Variants in NCOR2 observed in about 807,000 individuals in gnomAD.
NCOR2 encodes nuclear receptor corepressor 2.
Under a neutral mutation model 262.9 loss-of-function variants are expected in NCOR2, and 81 were observed. That is an observed-to-expected ratio of 0.31 (90% CI 0.26 to 0.37). The LOEUF (loss-of-function observed/expected upper bound fraction) is 0.37, where lower values mean the gene tolerates loss of function less well. Ranked by LOEUF, NCOR2 falls within the 10% of genes least tolerant of loss-of-function variation. The probability of loss-of-function intolerance (pLI) is 1.00; values close to 1 mark genes in which losing one functional copy is unlikely to be tolerated. For missense variants in NCOR2, 3,385 were observed against 3,621.4 expected, an observed-to-expected ratio of 0.93 and a Z score of 1.68; for synonymous variants, 1,659 against 1,559.3, an observed-to-expected ratio of 1.06 and a Z score of -1.51.
In NCOR2 at chr12:124,466,291, G is replaced by A. The variant is rs553106476; in HGVS notation, c.592-5C>T. 1.9e-6 allele frequency: 3 copies of A among 1,604,152 alleles called. No homozygotes were observed. The highest frequency in any genetic ancestry group is 4.5e-5 in the East Asian group (2 of 44,632). On this transcript the variant is annotated splice_polypyrimidine_tract_variant and splice_region_variant and intron_variant, in intron 4 of 46. Transcript: ENST00000405201. ...AGCCTCCTCCTCCAGCTGTTGCTGT[G>A]GGGAGAGGCAGAACGTGAGGGATGA...
chr12:124,473,652 T>C (rs889132237), intron 3 of NCOR2, among the ~76,000 whole-genome samples: 1 of 152,182 alleles, frequency 6.6e-6, no homozygotes, highest in Non-Finnish European at 1.5e-5. Context: ...GTTGCCAACT[T>C]TTTGCCTGCT....
chr12:124,476,902 T>TA (rs60593594), intron 3 of NCOR2, among the ~76,000 whole-genome samples: 2,002 of 142,448 alleles, frequency 0.014, 32 homozygotes, highest in East Asian at 0.077. Flanking sequence ...CCATCTTTAT[T>TA]AAAAAAAAAA....
At chr12:124,475,926 T>C (rs181383563) in intron 3 of NCOR2, among the ~76,000 whole-genome samples, 14 of 152,172 alleles carry the variant, frequency 9.2e-5, no homozygotes, top group South Asian at 2.1e-4. Context: ...CACAGAACCA[T>C]AGGGCTGAGC....
At position 124,495,214 on chromosome 12, in the gene NCOR2, CTCCACG is replaced by C. The variant is rs767139605; in HGVS notation, c.32_37del (p.Thr11_Trp12del). 1 of 1,613,822 alleles carries C rather than the reference CTCCACG, an allele frequency of 6.2e-7. No homozygotes were observed. Among genetic ancestry groups the C allele is most frequent in the Non-Finnish European group, 8.5e-7 (1 of 1,179,902 alleles). ...GGGCGGGTAGCGGGGCTCAGTGGCCCTCCACGTCTGTGCCACAGGCTGTGTGGATCC... is the reference window on the plus strand; with the variant it reads ...GGGCGGGTAGCGGGGCTCAGTGGCCCTCTGTGCCACAGGCTGTGTGGATCC... On this transcript the variant is annotated inframe_deletion, in exon 1 of 47. Transcript: ENST00000405201. The surrounding 1 kb of genome is among the most constrained non-coding windows in gnomAD (Gnocchi z 4.4).
chr12:124,555,777 C>A (rs2051864174), intron 1 of NCOR2: 1 of 152,194 alleles, frequency 6.6e-6, no homozygotes, highest in Admixed American at 6.5e-5. Context: ...CCGTCTCGGG[C>A]CACCCATCCA....
Position 124,517,842 on chromosome 12 carries a change from C to G in NCOR2, c.-118+17723G>C, listed in dbSNP as rs769599501. On this transcript the variant is annotated intron_variant, in intron 1 of 46. Transcript: ENST00000404621. This position sits in a 1 kb window ranked among gnomAD's most constrained non-coding sequence, Gnocchi z 7.6. The stretch of plus-strand genomic sequence containing the variant: ...ACTGCAGCAACTTCGTCCGATGAGA[C>G]AGCCCTGCCCACCATCCCGCTGAGC... Among the ~76,000 whole-genome samples the G allele has an allele frequency of 6.6e-6, 1 of 152,228 alleles. No homozygotes were observed. The highest frequency in any genetic ancestry group is 1.5e-5 in the Non-Finnish European group (1 of 68,034).
intron 18 of NCOR2, among the ~76,000 whole-genome samples, chr12:124,375,342 G>A (rs375512272): frequency 2.6e-5 from 4 of 152,264 alleles, no homozygotes; most frequent in East Asian, 1.9e-4. Context: ...TTAACTTCTC[G>A]GTCTCACAGT....
chr12:124,546,462 G>A (rs149589808), intron 1 of NCOR2, among the ~76,000 whole-genome samples: 5 of 152,350 alleles, frequency 3.3e-5, no homozygotes, highest in Admixed American at 6.5e-5. Flanking sequence ...AGGCTGGAGT[G>A]CAGTGGTGTG....
intron 20 of NCOR2, among the ~76,000 whole-genome samples, chr12:124,367,631 T>C (rs2039145663): frequency 6.6e-6 from 1 of 152,100 alleles, no homozygotes. Flanking sequence ...TTTTATTTTA[T>C]TTATTTATTT....
intron 32 of NCOR2, 150 bp from the exon 35 acceptor site, chr12:124,343,376 A>T: frequency 3.3e-6 from 2 of 615,250 alleles, no homozygotes; most frequent in East Asian, 3.0e-5. Context: ...TTGCTCACTG[A>T]CTCATTTGCT....
chr12:124,347,846 T>C (rs762312602), exon 30 of NCOR2: 13 of 1,567,296 alleles, frequency 8.3e-6, no homozygotes, highest in Non-Finnish European at 1.0e-5. Context: ...GACCCGCGGA[T>C]GTGGTGCTGC....
rs554296172 is a variant in NCOR2, at chr12:124,547,639, C to G, written c.-164-12028G>C. On this transcript the variant is annotated intron_variant, in intron 1 of 32. Transcript: ENST00000458234. Reference sequence around the variant, plus strand: ...ACATTTTCATCACTCTAAAAGGAGACCCCATCAACATGGAGTAGGTTCTCC... The same window carrying G: ...ACATTTTCATCACTCTAAAAGGAGAGCCCATCAACATGGAGTAGGTTCTCC... 2.6e-5 allele frequency among the ~76,000 whole-genome samples: 4 copies of G among 152,352 alleles called. No homozygotes were observed. In the South Asian group the frequency reaches 6.2e-4, roughly 24 times the overall value.
intron 13 of NCOR2, among the ~76,000 whole-genome samples, chr12:124,418,169 G>C (rs2043010932): frequency 6.6e-6 from 1 of 152,140 alleles, no homozygotes; most frequent in Non-Finnish European, 1.5e-5. Context: ...TGTTAGAAGG[G>C]CAAGCAGACT....
exon 47 of NCOR2, chr12:124,325,159 T>A: frequency 3.2e-6 from 1 of 317,222 alleles, no homozygotes; most frequent in Non-Finnish European, 5.7e-6. Context: ...TCCCCTCCCT[T>A]CCCGAGCACC....
In NCOR2 at chr12:124,409,746, C is replaced by T. The variant is rs574859570; in HGVS notation, c.1483-7185G>A. On this transcript the variant is annotated intron_variant, in intron 13 of 46. Transcript: ENST00000405201. ...GCTGAGGTGCACAGTGGCATGATCA[C>T]GGCTCACTGCAGCCTCCACTTTCTG... is the stretch of plus-strand genomic sequence containing the variant. 7.2e-5 allele frequency among the ~76,000 whole-genome samples: 11 copies of T among 152,202 alleles called. 1 individual carries two copies. The highest frequency in any genetic ancestry group is 6.2e-4 in the South Asian group (3 of 4,822).
intron 46 of NCOR2, 169 bp downstream of exon 48, chr12:124,326,022 G>GT: frequency 1.4e-6 from 1 of 704,940 alleles, no homozygotes; most frequent in Middle Eastern, 4.3e-4. Context: ...CATCCTGATG[G>GT]TTCGTGAGCC....
intron 13 of NCOR2, among the ~76,000 whole-genome samples, chr12:124,417,472 C>A (rs1395557492): frequency 6.6e-6 from 1 of 152,166 alleles, no homozygotes; most frequent in Non-Finnish European, 1.5e-5. Flanking sequence ...CTCTTCAGAG[C>A]CCCCAGCCCA....
intron 43 of NCOR2, chr12:124,331,754 C>T (rs2035221779): frequency 6.3e-6 from 1 of 158,496 alleles, no homozygotes; most frequent in Non-Finnish European, 1.4e-5. Flanking sequence ...AAGCCAGTGA[C>T]TATCTGCAAG....
intron 17 of NCOR2, among the ~76,000 whole-genome samples, chr12:124,380,901 T>C (rs948920061): frequency 2.0e-5 from 3 of 152,228 alleles, no homozygotes; most frequent in Admixed American, 6.5e-5. Flanking sequence ...ACACACATGG[T>C]CCGGCACTGT....
Sources: gnomAD v4.1 joint callset for allele counts (sites outside exome capture counted in the v4.1 genomes callset) on GRCh38, gnomAD v4.1.1 for gene constraint, Gnocchi (gnomAD v3.1) non-coding constraint, MANE v1.5 for transcripts, NCBI Gene and HGNC (gene_info 2026-07-23, HGNC 2026-07-21) for gene names.